The following SP100 variants were observed in gnomAD, a reference collection of about 807,000 sequenced individuals.
SP100 encodes nuclear autoantigen Sp-100.
In SP100, 84 loss-of-function variants were observed where a neutral mutation model predicts 130.0. The ratio of observed to expected loss-of-function variants is 0.65; its 90% confidence interval spans 0.54 to 0.77. SP100 has a LOEUF of 0.77. Among genes scored for constraint, SP100 ranks in the 30% least tolerant of loss-of-function variants. The pLI is 0.00. For synonymous variants in SP100, 331 were observed against 351.7 expected, an observed-to-expected ratio of 0.94 and a Z score of 0.66; for missense variants, 978 against 1,052.2, an observed-to-expected ratio of 0.93 and a Z score of 0.97.
chr2:230,523,326 T>C (rs914036777), intron 24 of SP100, among the ~76,000 whole-genome samples: 1 of 152,224 alleles, frequency 6.6e-6, no homozygotes, highest in Non-Finnish European at 1.5e-5. Context: ...TTTATGTGTA[T>C]GTACCTTTAT....
intron 18 of SP100, among the ~76,000 whole-genome samples, chr2:230,498,094 GA>G (rs1326952137): frequency 1.3e-5 from 2 of 152,178 alleles, no homozygotes; most frequent in African/African-American, 4.8e-5. Flanking sequence ...TCTCATAAAT[GA>G]ATTAGTAGAT....
intron 17 of SP100, among the ~76,000 whole-genome samples, chr2:230,488,410 GT>G (rs540663587): frequency 6.6e-6 from 1 of 151,998 alleles, no homozygotes. Flanking sequence ...GGTTTTTGTT[GT>G]TTTTGTTGTT....
In SP100 at chr2:230,416,326, C is replaced by G. The variant is rs1575575677; in HGVS notation, c.30C>G (p.Thr10=). 6.2e-7 allele frequency: 1 copy of G among 1,613,202 alleles called. No homozygotes were observed. The highest frequency in any genetic ancestry group is 1.7e-4 in the Middle Eastern group (1 of 6,056). Residue 10 remains threonine, a splice_region_variant and synonymous_variant, in exon 1 of 29, where the codon ACC becomes ACG. Transcript: ENST00000340126. MAGGGGDLS[T]RRLNECISPV... Reference sequence around the variant, plus strand: ...CAGGTGGGGGCGGCGACCTGAGCACCAGGTGAGTCTTTATCTCCCTTCCTT... The same window carrying G: ...CAGGTGGGGGCGGCGACCTGAGCACGAGGTGAGTCTTTATCTCCCTTCCTT...
intron 20 of SP100, among the ~76,000 whole-genome samples, chr2:230,503,886 C>T (rs1468272282): frequency 6.6e-6 from 1 of 152,150 alleles, no homozygotes; most frequent in Non-Finnish European, 1.5e-5. Context: ...GGAAATCTCC[C>T]TTCAAAACAT....
intron 16 of SP100, 117 bp downstream of exon 16, chr2:230,473,557 C>T (rs2065379882): frequency 3.4e-6 from 2 of 589,008 alleles, no homozygotes; most frequent in Admixed American, 5.2e-5. Flanking sequence ...TCTGGATCAC[C>T]AACAGGAAGT....
chr2:230,430,802 A>C (rs556417604), intron 2 of SP100, among the ~76,000 whole-genome samples: 63 of 152,318 alleles, frequency 4.1e-4, no homozygotes, highest in African/African-American at 1.5e-3. Flanking sequence ...TTTCCTGCCC[A>C]TGCAGGTCAT....
chr2:230,528,350 G>A (rs1485743487), intron 24 of SP100, among the ~76,000 whole-genome samples: 1 of 152,164 alleles, frequency 6.6e-6, no homozygotes, highest in Non-Finnish European at 1.5e-5. Context: ...CGAAATGAAG[G>A]CAGAAATAAA....
At chr2:230,482,569 G>T (rs1007378908) in intron 17 of SP100, among the ~76,000 whole-genome samples, 10 of 147,310 alleles carry the variant, frequency 6.8e-5, no homozygotes, top group Admixed American at 2.0e-4. Context: ...AATTCTTTTA[G>T]AATTGATTTT....
At chr2:230,489,835 T>G (rs2066304115) in intron 17 of SP100, among the ~76,000 whole-genome samples, 3 of 152,208 alleles carry the variant, frequency 2.0e-5, no homozygotes, top group African/African-American at 7.2e-5. Context: ...TGAGTGAGTT[T>G]CTTAATCCTG....
At chr2:230,461,486 C>A in intron 9 of SP100, 72 bp downstream of exon 9, 1 of 1,502,994 alleles carries the variant, frequency 6.7e-7, no homozygotes, top group Non-Finnish European at 9.2e-7. Context: ...GACTTCATCA[C>A]GGACCATCGG....
rs2063905613 is a variant in SP100 at position 230,450,175 on chromosome 2, C to A, written c.740C>A (p.Ser247Tyr). 4 of 1,612,272 alleles carry A rather than the reference C, an allele frequency of 2.5e-6. No individual in the cohort carries two copies. The East Asian group carries it at 8.9e-5, about 36-fold the overall frequency. Residue 247 changes from serine (S) to tyrosine (Y), a missense_variant, in exon 8 of 29, where the codon TCC becomes TAC. Transcript: ENST00000340126. ...QCAQKAEPTE[S>Y]CEQIAVQVNN... ...CTGTGATCTCGTTTATCTCCAGAGT[C>A]CTGCGAACAAATTGCTGTCCAAGTG... is the stretch of plus-strand genomic sequence containing the variant.
chr2:230,467,219 A>C lies in SP100; in HGVS notation c.1291+4A>C. 6.2e-7 allele frequency: 1 copy of C among 1,605,470 alleles called. No homozygotes were observed. Among genetic ancestry groups the C allele is most frequent in the Non-Finnish European group, 8.5e-7 (1 of 1,172,110 alleles). On this transcript the variant is annotated splice_donor_region_variant and intron_variant, in intron 13 of 28. Coordinates refer to ENST00000340126, the MANE Select transcript of SP100 (RefSeq NM_001080391.2). The stretch of plus-strand genomic sequence containing the variant: ...AGAAGCAAGCATGGTGAGAAGGGTA[A>C]GAACAGCTCCCTTGACTTCAGGGCT...
intron 15 of SP100, among the ~76,000 whole-genome samples, chr2:230,471,215 A>T (rs1366301988): frequency 6.6e-6 from 1 of 152,242 alleles, no homozygotes; most frequent in Non-Finnish European, 1.5e-5. Flanking sequence ...AATCAAAGAG[A>T]CAGAGACAAA....
intron 2 of SP100, among the ~76,000 whole-genome samples, chr2:230,420,349 G>T (rs1020691731): frequency 1.3e-5 from 2 of 152,074 alleles, no homozygotes; most frequent in African/African-American, 4.8e-5. Context: ...CTCTTTTTCA[G>T]AATTTATACC....
chr2:230,418,853 G>A (rs1275882638), intron 2 of SP100, among the ~76,000 whole-genome samples: 2 of 152,052 alleles, frequency 1.3e-5, no homozygotes, highest in African/African-American at 4.8e-5. Context: ...CATAGTGATG[G>A]CAGCTTCCCA....
At chr2:230,514,986 G>T (rs1690822196) in intron 24 of SP100, 1 of 1,538,194 alleles carries the variant, frequency 6.5e-7, no homozygotes, top group African/African-American at 1.4e-5. Context: ...ACAGGCCCTG[G>T]GCGACTCTGT....
Position 230,442,957 on chromosome 2 carries a change from G to C in SP100, c.128G>C (p.Gly43Ala), listed in dbSNP as rs753198951. 3.1e-6 allele frequency: 5 copies of C among 1,613,768 alleles called. No homozygotes were observed. The East Asian group carries it at 1.1e-4, about 36-fold the overall frequency. ...DLQRMFTEDQ[G>A]VDDRLLYDIV... Reference sequence around the variant, plus strand: ...CCTAGGATGTTCACGGAAGACCAGGGTGTAGATGACAGGCTGCTCTATGAC... The same window carrying C: ...CCTAGGATGTTCACGGAAGACCAGGCTGTAGATGACAGGCTGCTCTATGAC... The change falls in exon 3 of 29, where the codon GGT (glycine) becomes GCT (alanine). Residue 43 changes from glycine to alanine, a missense_variant. Gly to Ala is a moderately conservative substitution (Grantham distance 60). Transcript: ENST00000340126.
chr2:230,453,180 G>A (rs1197018171), intron 8 of SP100, among the ~76,000 whole-genome samples: 9 of 152,196 alleles, frequency 5.9e-5, no homozygotes, highest in Non-Finnish European at 1.0e-4. Context: ...GAGAAGTACA[G>A]TGCAAAGGGG....
chr2:230,443,395 T>C (rs971257060), intron 3 of SP100, among the ~76,000 whole-genome samples: 1 of 152,196 alleles, frequency 6.6e-6, no homozygotes, highest in African/African-American at 2.4e-5. Context: ...TCTCCATAAA[T>C]GTACAATGTT....
Sources: gnomAD v4.1 joint callset for allele counts (sites outside exome capture counted in the v4.1 genomes callset) on GRCh38, gnomAD v4.1.1 for gene constraint, MANE v1.5 for transcripts, NCBI Gene and HGNC (gene_info 2026-07-23, HGNC 2026-07-21) for gene names.